NGEF: variants seen among roughly 807,000 people sequenced by gnomAD.
NGEF encodes the protein ephexin-1.
In NGEF, 31 loss-of-function variants were observed where a neutral mutation model predicts 80.9. The observed-to-expected ratio is 0.38, with a 90% CI of 0.29 to 0.52. The LOEUF is 0.52. Ranked by LOEUF, NGEF falls within the 20% of genes least tolerant of loss-of-function variation. The pLI is 0.84. For synonymous variants in NGEF, 371 were observed against 370.2 expected (o/e 1.00, Z -0.03); for missense variants, 709 against 926.2 (o/e 0.77, Z 3.04).
At chr2:232,938,412 C>T (rs1056375919) in intron 3 of NGEF, among the ~76,000 whole-genome samples, 28 of 152,104 alleles carry the variant, frequency 1.8e-4, no homozygotes, top group African/African-American at 6.0e-4. Context: ...TAAGATGCTG[C>T]GATGCTTGTG....
chr2:232,883,019 G>C (rs1407705316), intron 12 of NGEF, among the ~76,000 whole-genome samples: 1 of 152,012 alleles, frequency 6.6e-6, no homozygotes, highest in Non-Finnish European at 1.5e-5. Flanking sequence ...CATCCAAAAA[G>C]AGGGACTCGC....
At chr2:233,006,102 C>A (rs1471401775) in intron 1 of NGEF, among the ~76,000 whole-genome samples, 3 of 152,196 alleles carry the variant, frequency 2.0e-5, no homozygotes, top group Admixed American at 1.3e-4. Context: ...AGGCGTGAGC[C>A]ACTGCGCCTG....
At chr2:232,942,330 T>C (rs1693453561) in intron 3 of NGEF, among the ~76,000 whole-genome samples, 1 of 152,210 alleles carries the variant, frequency 6.6e-6, no homozygotes, top group African/African-American at 2.4e-5. Flanking sequence ...GCCCCACTTG[T>C]CGCTGTGAGG....
At chr2:232,899,503 T>C (rs1050988898) in intron 5 of NGEF, among the ~76,000 whole-genome samples, 2 of 152,140 alleles carry the variant, frequency 1.3e-5, no homozygotes, top group Admixed American at 6.5e-5. Flanking sequence ...GGGGTCTCCT[T>C]TGGTTTTCAC....
intron 1 of NGEF, among the ~76,000 whole-genome samples, chr2:232,994,810 T>G (rs1694743557): frequency 6.6e-6 from 1 of 151,944 alleles, no homozygotes; most frequent in Admixed American, 6.6e-5. Flanking sequence ...ATTTATGCAT[T>G]ATTATACAAA....
chr2:232,892,831 G>A lies in NGEF; in HGVS notation c.1142+67C>T. 6.5e-7 allele frequency: 1 copy of A among 1,539,512 alleles called. No homozygotes were observed. The highest frequency in any genetic ancestry group is 8.9e-7 in the Non-Finnish European group (1 of 1,123,188). ...AAGTGTCACCGTGTAAGGAGCCTGGGCCAGCACTGGTATGGCTGCCCCGGG... is the reference window on the plus strand; with the variant it reads ...AAGTGTCACCGTGTAAGGAGCCTGGACCAGCACTGGTATGGCTGCCCCGGG... On this transcript the variant is annotated intron_variant, in intron 7 of 14. Coordinates refer to ENST00000264051, the MANE Select transcript of NGEF (RefSeq NM_019850.3). The surrounding 1 kb of genome is among the most constrained non-coding windows in gnomAD (Gnocchi z 4.0).
chr2:232,903,525 T>C (rs1421183674), intron 5 of NGEF, among the ~76,000 whole-genome samples: 1 of 152,172 alleles, frequency 6.6e-6, no homozygotes, highest in Admixed American at 6.6e-5. Flanking sequence ...AGACTTTCAC[T>C]GAGAGTCCTT....
intron 3 of NGEF, among the ~76,000 whole-genome samples, chr2:232,964,127 T>A (rs1245455904): frequency 1.3e-5 from 2 of 152,228 alleles, no homozygotes; most frequent in Non-Finnish European, 2.9e-5. Flanking sequence ...GGAACCTTGA[T>A]GCCTTGCTGG....
At chr2:232,885,747 C>T (rs932671251) in intron 9 of NGEF, among the ~76,000 whole-genome samples, 4 of 152,176 alleles carry the variant, frequency 2.6e-5, no homozygotes, top group East Asian at 1.9e-4. Context: ...AAAAATCCCA[C>T]GCTTCCTGGG....
chr2:232,894,048 G>T (rs942771938), intron 6 of NGEF, among the ~76,000 whole-genome samples: 3 of 152,200 alleles, frequency 2.0e-5, no homozygotes, highest in Non-Finnish European at 4.4e-5. Flanking sequence ...TTTCCCATCT[G>T]ATCACCAGGC....
chr2:232,920,244 G>A (rs757189808), intron 5 of NGEF, 40 bp downstream of exon 5: 1 of 1,576,028 alleles, frequency 6.3e-7, no homozygotes, highest in Non-Finnish European at 8.6e-7. Flanking sequence ...GGCCACCCCG[G>A]TGTGCTGTGG....
At chr2:232,881,730 C>T (rs1476560044) in intron 13 of NGEF, among the ~76,000 whole-genome samples, 1 of 152,092 alleles carries the variant, frequency 6.6e-6, no homozygotes, top group Non-Finnish European at 1.5e-5. Flanking sequence ...TACAGGCACG[C>T]ACCACACCTG....
rs1232027952 is a variant in NGEF at position 232,881,797 on chromosome 2, G to A, written c.1837+389C>T. Reference sequence around the variant, plus strand: ...TTGCTATGTTGGCCAGGCTTGTCTCGAGCTCCTGACCTCAGGTGATCCACC... The same window carrying A: ...TTGCTATGTTGGCCAGGCTTGTCTCAAGCTCCTGACCTCAGGTGATCCACC... On this transcript the variant is annotated intron_variant, in intron 13 of 14. Transcript: ENST00000264051. Among the ~76,000 whole-genome samples the A allele has an allele frequency of 2.6e-5, 4 of 152,058 alleles. 1 individual carries two copies. Among genetic ancestry groups the A allele is most frequent in the African/African-American group, 9.7e-5 (4 of 41,402 alleles).
intron 3 of NGEF, among the ~76,000 whole-genome samples, chr2:232,968,515 C>T (rs1053789547): frequency 5.9e-5 from 9 of 152,120 alleles, no homozygotes; most frequent in Admixed American, 2.0e-4. Context: ...AAGGGATTCT[C>T]CTGCCTCAGC....
intron 3 of NGEF, among the ~76,000 whole-genome samples, chr2:232,942,507 C>T (rs1377904325): frequency 1.3e-5 from 2 of 152,182 alleles, no homozygotes; most frequent in African/African-American, 4.8e-5. Context: ...TTTCCTTTCA[C>T]TTATTAACGT....
Position 232,891,582 on chromosome 2 carries a change from G to A in NGEF, c.1143-95C>T, listed in dbSNP as rs569524293. Reference sequence around the variant, plus strand: ...ATCCACAGCCTCCCAGGATCCAGACGACCCACGGGCTCAGAAAACATGTTG... The same window carrying A: ...ATCCACAGCCTCCCAGGATCCAGACAACCCACGGGCTCAGAAAACATGTTG... On this transcript the variant is annotated intron_variant, in intron 7 of 14. Transcript: ENST00000264051. The A allele has an allele frequency of 5.2e-5, 72 of 1,374,376 alleles. No homozygotes were observed. In the East Asian group the frequency reaches 1.1e-3, roughly 22 times the overall value. The allele number at this position is 1,374,376 out of a possible 1,614,324, so 85.1% of individuals were successfully genotyped here.
intron 1 of NGEF, among the ~76,000 whole-genome samples, chr2:232,987,942 C>G (rs1219305222): frequency 2.0e-5 from 3 of 151,926 alleles, no homozygotes; most frequent in Non-Finnish European, 4.4e-5. Context: ...CTGGGCCAAG[C>G]AATAGGAGAC....
chr2:232,982,261 T>A (rs1182896487), intron 1 of NGEF, among the ~76,000 whole-genome samples: 1 of 151,952 alleles, frequency 6.6e-6, no homozygotes, highest in Non-Finnish European at 1.5e-5. Context: ...TGTGTTAGGG[T>A]CCAGGTGGGG....
At chr2:232,906,656 C>G (rs369655627) in intron 5 of NGEF, among the ~76,000 whole-genome samples, 1 of 89,808 alleles carries the variant, frequency 1.1e-5, no homozygotes, top group African/African-American at 4.0e-5. Flanking sequence ...CCCCTCTGCC[C>G]GGCCACCACC....
Sources: gnomAD v4.1 joint callset for allele counts (sites outside exome capture counted in the v4.1 genomes callset) on GRCh38, gnomAD v4.1.1 for gene constraint, Gnocchi (gnomAD v3.1) non-coding constraint, MANE v1.5 for transcripts, NCBI Gene and HGNC (gene_info 2026-07-23, HGNC 2026-07-21) for gene names.